Variants in RAB3C observed in about 807,000 individuals in gnomAD.
RAB3C encodes ras-related protein Rab-3C.
In RAB3C, 17 loss-of-function variants were observed where a neutral mutation model predicts 26.4. The observed-to-expected ratio is 0.64, with a 90% CI of 0.44 to 0.97. The LOEUF is 0.97. Among genes scored for constraint, RAB3C ranks in the 50% least tolerant of loss-of-function variants. RAB3C has a pLI of 0.00. For synonymous variants in RAB3C, 91 were observed against 95.9 expected (o/e 0.95, Z 0.30); for missense variants, 242 against 281.9 (o/e 0.86, Z 1.01).
chr5:58,613,905 G>A (rs897395245), intron 1 of RAB3C, among the ~76,000 whole-genome samples: 4 of 151,914 alleles, frequency 2.6e-5, no homozygotes, highest in Admixed American at 2.6e-4. Flanking sequence ...GAGCCCGAGG[G>A]GTTCCTTCAG....
At chr5:58,698,815 A>C (rs187813082) in intron 2 of RAB3C, among the ~76,000 whole-genome samples, 1 of 152,248 alleles carries the variant, frequency 6.6e-6, no homozygotes, top group East Asian at 1.9e-4. Context: ...TATTCTAGTT[A>C]GCCATTCGCC....
intron 2 of RAB3C, among the ~76,000 whole-genome samples, chr5:58,624,971 T>G (rs1747021979): frequency 6.6e-6 from 1 of 152,212 alleles, no homozygotes; most frequent in Non-Finnish European, 1.5e-5. Flanking sequence ...GTGAGTTATC[T>G]AATCCTCACA....
chr5:58,679,477 A>G (rs1019909350), intron 2 of RAB3C, among the ~76,000 whole-genome samples: 6 of 152,206 alleles, frequency 3.9e-5, no homozygotes, highest in Non-Finnish European at 8.8e-5. Context: ...CAATTCTGTT[A>G]TAGTACAAGC....
chr5:58,758,290 TTTA>T (rs1382042671), intron 3 of RAB3C, among the ~76,000 whole-genome samples: 1 of 152,148 alleles, frequency 6.6e-6, no homozygotes, highest in Non-Finnish European at 1.5e-5. Context: ...TTTCCAATAG[TTTA>T]TAATTGGAAA....
At chr5:58,608,067 A>G (rs541091356) in intron 1 of RAB3C, among the ~76,000 whole-genome samples, 24 of 152,352 alleles carry the variant, frequency 1.6e-4, no homozygotes, top group East Asian at 7.7e-4. Context: ...GACAGGGTCA[A>G]ATTCACACAT....
chr5:58,851,336 C>T lies in RAB3C; in HGVS notation c.669C>T (p.Pro223=), dbSNP rs1431471405. The T allele has an allele frequency of 1.9e-6, 3 of 1,604,614 alleles. No homozygotes were observed. Among genetic ancestry groups the T allele is most frequent in the Non-Finnish European group, 2.5e-6 (3 of 1,176,548 alleles). The change falls in exon 5 of 5, where the codon CCC becomes CCT. Residue 223 remains proline (P), a synonymous_variant. Transcript: ENST00000282878. Reference sequence around the variant, plus strand: ...AGGAAACTCCTCCTCCACCGCAGCCCAACTGTGCCTGCTAGTGTCCCCGTG... The same window carrying T: ...AGGAAACTCCTCCTCCACCGCAGCCTAACTGTGCCTGCTAGTGTCCCCGTG... ...RLKETPPPPQ[P]NCAC is the part of the protein sequence containing the mutation.
At chr5:58,790,920 G>A (rs757591259) in intron 3 of RAB3C, among the ~76,000 whole-genome samples, 47 of 151,984 alleles carry the variant, frequency 3.1e-4, no homozygotes, top group Non-Finnish European at 5.9e-4. Context: ...GGTCTGTCTC[G>A]CTGGATCAGT....
At chr5:58,693,353 T>TATATATATATATATATATATATACACAC (rs911414778) in intron 2 of RAB3C, among the ~76,000 whole-genome samples, 1 of 142,292 alleles carries the variant, frequency 7.0e-6, no homozygotes, top group African/African-American at 2.7e-5. Context: ...TATATATATA[T>TATATATATATATATATATATATACACAC]ATATATATAA....
chr5:58,751,621 A>G (rs1382884684), intron 3 of RAB3C, among the ~76,000 whole-genome samples: 2 of 152,258 alleles, frequency 1.3e-5, no homozygotes, highest in Admixed American at 6.5e-5. Context: ...TTCTATTGTC[A>G]TATGGCTAAA....
At chr5:58,642,549 A>T (rs1048915036) in intron 2 of RAB3C, among the ~76,000 whole-genome samples, 4 of 152,228 alleles carry the variant, frequency 2.6e-5, no homozygotes, top group Admixed American at 1.3e-4. Flanking sequence ...GTAATAATAG[A>T]TAGTGCTCCC....
At chr5:58,814,245 T>C (rs562017825) in intron 3 of RAB3C, among the ~76,000 whole-genome samples, 43 of 152,296 alleles carry the variant, frequency 2.8e-4, no homozygotes, top group African/African-American at 1.0e-3. Flanking sequence ...CTCAAAGTTC[T>C]ACAAAATCCA....
At chr5:58,810,948 C>T (rs78489108) in intron 3 of RAB3C, among the ~76,000 whole-genome samples, 1,690 of 152,294 alleles carry the variant, frequency 0.011, 24 homozygotes, top group East Asian at 0.057. Context: ...CCCACCAAAA[C>T]GGCACAACCA....
chr5:58,782,441 A>C (rs554469015), intron 3 of RAB3C, among the ~76,000 whole-genome samples: 1 of 152,162 alleles, frequency 6.6e-6, no homozygotes. Context: ...CCTTGTACAC[A>C]GTATTTAAGT....
intron 1 of RAB3C, among the ~76,000 whole-genome samples, chr5:58,598,320 A>C (rs967806465): frequency 6.6e-6 from 1 of 151,486 alleles, no homozygotes; most frequent in Non-Finnish European, 1.5e-5. Flanking sequence ...GATATTGTAG[A>C]CTTCGGTGAT....
chr5:58,845,689 T>C (rs960958767), intron 4 of RAB3C, among the ~76,000 whole-genome samples: 2 of 149,532 alleles, frequency 1.3e-5, no homozygotes, highest in African/African-American at 2.5e-5. Context: ...TATGTGTATA[T>C]ATAGTTTTAT....
At chr5:58,687,987 G>A (rs1041388050) in intron 2 of RAB3C, among the ~76,000 whole-genome samples, 17 of 152,072 alleles carry the variant, frequency 1.1e-4, no homozygotes, top group African/African-American at 4.1e-4. Context: ...GACACTAGAT[G>A]AATATGATAT....
At chr5:58,811,605 T>C (rs1743092843) in intron 3 of RAB3C, among the ~76,000 whole-genome samples, 1 of 152,172 alleles carries the variant, frequency 6.6e-6, no homozygotes, top group South Asian at 2.1e-4. Flanking sequence ...TAATCTTTCC[T>C]TACCTTCCTG....
At chr5:58,684,128 C>T (rs893694067) in intron 2 of RAB3C, among the ~76,000 whole-genome samples, 6 of 152,038 alleles carry the variant, frequency 3.9e-5, no homozygotes, top group Admixed American at 2.0e-4. Context: ...GACTTTTTAC[C>T]GTTATCATTA....
At chr5:58,793,374 T>A (rs1407671297) in intron 3 of RAB3C, among the ~76,000 whole-genome samples, 1 of 152,050 alleles carries the variant, frequency 6.6e-6, no homozygotes, top group African/African-American at 2.4e-5. Flanking sequence ...CTGGCCAACA[T>A]GGTGAAACCC....
Sources: gnomAD v4.1 joint callset for allele counts (sites outside exome capture counted in the v4.1 genomes callset) on GRCh38, gnomAD v4.1.1 for gene constraint, MANE v1.5 for transcripts, NCBI Gene and HGNC (gene_info 2026-07-23, HGNC 2026-07-21) for gene names.